Variants in NOL4L observed in about 807,000 individuals in gnomAD.
The protein encoded by NOL4L is nucleolar protein 4 like.
In NOL4L, 7 loss-of-function variants were observed where a neutral mutation model predicts 64.5. The observed-to-expected ratio is 0.11, with a 90% CI of 0.06 to 0.20. NOL4L has a LOEUF of 0.20. Among genes scored for constraint, NOL4L ranks in the 10% least tolerant of loss-of-function variants. NOL4L has a pLI of 1.00. For synonymous variants in NOL4L, 413 were observed against 401.0 expected (o/e 1.03, Z -0.36); for missense variants, 680 against 967.1 (o/e 0.70, Z 3.94).
chr20:32,450,211 C>T (rs1228383195), intron 10 of NOL4L: 2 of 152,274 alleles, frequency 1.3e-5, no homozygotes, highest in African/African-American at 4.8e-5. Flanking sequence ...AAGTGAGGAG[C>T]TCTGAGCCAT....
At chr20:32,567,152 TGA>T (rs1051865444) in intron 1 of NOL4L, among the ~76,000 whole-genome samples, 1 of 152,110 alleles carries the variant, frequency 6.6e-6, no homozygotes, top group African/African-American at 2.4e-5. Context: ...CTTCCCCTCC[TGA>T]GAGATCTGGG....
In NOL4L at chr20:32,443,290, G is replaced by C. The variant is rs1453123239; in HGVS notation, c.*4306C>G. 6.6e-6 allele frequency: 1 copy of C among 152,218 alleles called. No individual in the cohort carries two copies. Among genetic ancestry groups the C allele is most frequent in the Non-Finnish European group, 1.5e-5 (1 of 68,036 alleles). 9.4% of individuals were successfully genotyped at this position (152,218 alleles called of 1,614,324 possible). A position where few individuals can be genotyped will look rare whatever the true frequency, so the allele number is the denominator to read the frequency against. On this transcript the variant is annotated 3_prime_UTR_variant, in exon 11 of 11. Coordinates refer to ENST00000621426, the MANE Select transcript of NOL4L (RefSeq NM_001256798.2). ...ACAGAATTTAGTCACATCACGTAGA[G>C]AAGACACATTCTAAGAATTAAAATA...
At chr20:32,495,701 C>T (rs1460712977) in intron 4 of NOL4L, among the ~76,000 whole-genome samples, 2 of 152,152 alleles carry the variant, frequency 1.3e-5, no homozygotes, top group Admixed American at 6.5e-5. Context: ...CAGTGGCTCA[C>T]GTCCCAGCAC....
At position 32,559,134 on chromosome 20, in the gene NOL4L, C is replaced by T. The variant is rs73107815; in HGVS notation, c.321+25436G>A. 8.6e-3 allele frequency among the ~76,000 whole-genome samples: 1,313 copies of T among 152,060 alleles called. 13 individuals carry two copies. The highest frequency in any genetic ancestry group is 0.031 in the Middle Eastern group (9 of 292). The stretch of plus-strand genomic sequence containing the variant: ...AGCCTTCCCTGGCCCCCAGGCATCC[C>T]CCACGGGACTACCCTGGGTCATAAT... On this transcript the variant is annotated intron_variant, in intron 1 of 10. Transcript: ENST00000621426.
chr20:32,491,041 C>T (rs1025114064), intron 4 of NOL4L, among the ~76,000 whole-genome samples: 65 of 152,338 alleles, frequency 4.3e-4, no homozygotes, highest in African/African-American at 1.3e-3. Flanking sequence ...TCCTTCCACA[C>T]ATATGTACAG....
chr20:32,447,695 G>C lies in NOL4L; in HGVS notation c.1944C>G (p.Ile648Met). The C allele has an allele frequency of 6.2e-7, 1 of 1,610,206 alleles. No individual in the cohort carries two copies. Among genetic ancestry groups the C allele is most frequent in the Non-Finnish European group, 8.5e-7 (1 of 1,178,490 alleles). ...VPTAQLSPTE[I>M]SAVRQLIAGY... The stretch of plus-strand genomic sequence containing the variant: ...CCGCGATGAGCTGCCGCACGGCGCT[G>C]ATCTCCGTGGGGCTGAGCTGAGCGG... Residue 648 changes from isoleucine to methionine, a missense_variant, in exon 11 of 11, where the codon ATC becomes ATG. Physicochemically the swap from Ile to Met is conservative, Grantham distance 10. Coordinates refer to ENST00000621426, the MANE Select transcript of NOL4L (RefSeq NM_001256798.2).
chr20:32,505,663 C>G (rs293563), intron 4 of NOL4L, among the ~76,000 whole-genome samples: 29,170 of 152,256 alleles, frequency 0.19, 4,608 homozygotes, highest in African/African-American at 0.43. Context: ...CTGCAGTGAA[C>G]TGTGATCGTG....
intron 1 of NOL4L, chr20:32,572,381 A>G (rs1190275665): frequency 6.6e-6 from 1 of 152,238 alleles, no homozygotes; most frequent in East Asian, 1.9e-4. Flanking sequence ...TTCTCACTCC[A>G]CAGCAGACAC....
At chr20:32,550,888 A>G (rs995405840) in intron 1 of NOL4L, among the ~76,000 whole-genome samples, 2 of 150,014 alleles carry the variant, frequency 1.3e-5, no homozygotes, top group African/African-American at 2.5e-5. Context: ...ATCTCAAAAA[A>G]AAGAAAAAAA....
intron 1 of NOL4L, among the ~76,000 whole-genome samples, chr20:32,579,561 C>T (rs749624855): frequency 2.0e-5 from 3 of 151,874 alleles, no homozygotes; most frequent in South Asian, 2.1e-4. Context: ...CGTGCAGGGA[C>T]GACAAAGCAG....
At chr20:32,491,394 C>T (rs996193462) in intron 4 of NOL4L, among the ~76,000 whole-genome samples, 1 of 152,208 alleles carries the variant, frequency 6.6e-6, no homozygotes, top group Non-Finnish European at 1.5e-5. Context: ...AGACACCTTC[C>T]ACCTCAGCCA....
At chr20:32,537,227 A>G in intron 1 of NOL4L, 6 of 557,228 alleles carry the variant, frequency 1.1e-5, no homozygotes, top group Non-Finnish European at 1.4e-5. Flanking sequence ...CTCCCCGCCC[A>G]AGGCGCAGCG....
chr20:32,550,694 T>C (rs570724234), intron 1 of NOL4L, among the ~76,000 whole-genome samples: 119 of 152,132 alleles, frequency 7.8e-4, no homozygotes, highest in African/African-American at 1.6e-3. Context: ...AGACTGACCA[T>C]CATGGTGAAA....
At chr20:32,472,890 C>T (rs1159956130) in intron 5 of NOL4L, among the ~76,000 whole-genome samples, 1 of 152,110 alleles carries the variant, frequency 6.6e-6, no homozygotes, top group Non-Finnish European at 1.5e-5. Flanking sequence ...AGGCTGACCC[C>T]GCACTGGGCT....
chr20:32,522,100 G>T (rs1240615993), intron 2 of NOL4L, among the ~76,000 whole-genome samples: 1 of 152,246 alleles, frequency 6.6e-6, no homozygotes, highest in African/African-American at 2.4e-5. Context: ...GGGCTGGGGA[G>T]TGGAGTTGTG....
chr20:32,493,602 G>A (rs293547), intron 4 of NOL4L, among the ~76,000 whole-genome samples: 5 of 152,266 alleles, frequency 3.3e-5, no homozygotes, highest in African/African-American at 9.6e-5. Context: ...TAAATGCAGC[G>A]ATAGCTGAAG....
At position 32,447,588 on chromosome 20, in the gene NOL4L, C is replaced by T. The variant is rs776479949; in HGVS notation, c.*8G>A. The T allele has an allele frequency of 6.9e-6, 11 of 1,586,324 alleles. No homozygotes were observed. Among genetic ancestry groups the T allele is most frequent in the South Asian group, 2.2e-5 (2 of 89,434 alleles). On this transcript the variant is annotated 3_prime_UTR_variant, in exon 11 of 11. Coordinates refer to ENST00000621426, the MANE Select transcript of NOL4L (RefSeq NM_001256798.2). The stretch of plus-strand genomic sequence containing the variant: ...CCCTAGGGCAGTGCGCTCCAGGTGC[C>T]GGTGGGGTCAGTTCTGCTGTAGGAT...
At position 32,460,292 on chromosome 20, in the gene NOL4L, A is replaced by AC. The variant is rs2013922525; in HGVS notation, c.842-3898dup. Among the ~76,000 whole-genome samples the AC allele has an allele frequency of 6.6e-6, 1 of 152,178 alleles. No individual in the cohort carries two copies. Among genetic ancestry groups the AC allele is most frequent in the East Asian group, 1.9e-4 (1 of 5,198 alleles). The stretch of plus-strand genomic sequence containing the variant: ...ATTATCTCATTTTCTCATGCCGCAC[A>AC]CACAGAGCCTACTCAGAGGGACAAC... On this transcript the variant is annotated intron_variant, in intron 5 of 10. Coordinates refer to ENST00000621426, the MANE Select transcript of NOL4L (RefSeq NM_001256798.2). This position sits in a 1 kb window ranked among gnomAD's most constrained non-coding sequence, Gnocchi z 5.7.
chr20:32,472,389 G>A lies in NOL4L; in HGVS notation c.841+2212C>T, dbSNP rs1280461767. ...ACCTGGGCATCAGTGGGGTTGGGGG[G>A]CTTCTGCAATGGAGACCCTCGGGCG... On this transcript the variant is annotated intron_variant, in intron 5 of 10. Coordinates refer to ENST00000621426, the MANE Select transcript of NOL4L (RefSeq NM_001256798.2). Among the ~76,000 whole-genome samples the A allele has an allele frequency of 2.6e-5, 4 of 152,336 alleles. No individual in the cohort carries two copies. In the East Asian group the frequency reaches 7.7e-4, roughly 29 times the overall value.
Sources: allele counts gnomAD v4.1 joint callset (sites outside exome capture counted in the v4.1 genomes callset), GRCh38; gene constraint gnomAD v4.1.1; non-coding constraint Gnocchi (gnomAD v3.1); transcripts MANE v1.5; gene names NCBI Gene and HGNC (gene_info 2026-07-23, HGNC 2026-07-21).